Variants in HS1BP3 observed in about 807,000 individuals in gnomAD.
The protein encoded by HS1BP3 is HCLS1 binding protein 3.
In HS1BP3, 32 loss-of-function variants were observed where a neutral mutation model predicts 33.5. The observed-to-expected ratio is 0.95, with a 90% CI of 0.72 to 1.28. The LOEUF is 1.28. Ranked by LOEUF, HS1BP3 falls within the 50% of genes most tolerant of loss-of-function variation. The pLI is 0.00. For synonymous variants in HS1BP3, 187 were observed against 209.2 expected (o/e 0.89, Z 0.92); for missense variants, 486 against 502.3 (o/e 0.97, Z 0.31).
chr2:20,596,337 T>G (rs916786531), intron 3 of HS1BP3, among the ~76,000 whole-genome samples: 5 of 152,248 alleles, frequency 3.3e-5, no homozygotes, highest in African/African-American at 1.2e-4. Flanking sequence ...TCTATTCATC[T>G]GCTCAAACCT....
chr2:20,593,417 C>T (rs931724737), intron 3 of HS1BP3, among the ~76,000 whole-genome samples: 4 of 152,164 alleles, frequency 2.6e-5, no homozygotes, highest in South Asian at 2.1e-4. Flanking sequence ...GCTAGAACAA[C>T]GCTTGACACT....
intron 5 of HS1BP3, among the ~76,000 whole-genome samples, chr2:20,567,905 C>T (rs1321793852): frequency 1.3e-5 from 2 of 152,174 alleles, no homozygotes; most frequent in Admixed American, 1.3e-4. Context: ...ACAGCTGGCC[C>T]CCAGCACCGA....
downstream of HS1BP3, among the ~76,000 whole-genome samples, chr2:20,589,150 G>C (rs901308630): frequency 3.9e-5 from 6 of 152,246 alleles, no homozygotes; most frequent in East Asian, 9.6e-4. Context: ...GCATGGATGG[G>C]TGCATAGATT....
chr2:20,570,329 G>T (rs1693236497), intron 5 of HS1BP3, among the ~76,000 whole-genome samples: 1 of 152,170 alleles, frequency 6.6e-6, no homozygotes, highest in South Asian at 2.1e-4. Context: ...TCCATTCTCT[G>T]GCCTTCAAAT....
intron 2 of HS1BP3, among the ~76,000 whole-genome samples, chr2:20,609,284 C>A (rs1364279196): frequency 1.4e-4 from 22 of 152,182 alleles, no homozygotes; most frequent in Non-Finnish European, 8.8e-5. Flanking sequence ...ACATGAGAAC[C>A]CACAGCAGCC....
intron 5 of HS1BP3, among the ~76,000 whole-genome samples, chr2:20,571,708 C>T (rs1280991025): frequency 6.6e-6 from 1 of 152,186 alleles, no homozygotes; most frequent in African/African-American, 2.4e-5. Flanking sequence ...GTGCCCCTGC[C>T]TTGGGCCCAT....
chr2:20,583,159 T>A (rs2149276375), intron 5 of HS1BP3, among the ~76,000 whole-genome samples: 1 of 152,342 alleles, frequency 6.6e-6, no homozygotes. Context: ...GAACAACCCC[T>A]CTGAGCTGTC....
At chr2:20,571,214 T>A (rs1230772049) in intron 5 of HS1BP3, among the ~76,000 whole-genome samples, 2 of 152,158 alleles carry the variant, frequency 1.3e-5, no homozygotes, top group Non-Finnish European at 2.9e-5. Context: ...CAGCACCCCC[T>A]TCCTTAGGCT....
At chr2:20,603,609 C>T (rs763967130) in intron 2 of HS1BP3, among the ~76,000 whole-genome samples, 3 of 152,116 alleles carry the variant, frequency 2.0e-5, no homozygotes, top group Non-Finnish European at 4.4e-5. Flanking sequence ...GGTTTGATGG[C>T]TAAGGAGTAT....
chr2:20,635,787 G>T (rs1329860895), intron 4 of HS1BP3: 1 of 152,274 alleles, frequency 6.6e-6, no homozygotes, highest in African/African-American at 2.4e-5. Context: ...GGAGAGAGCG[G>T]TGGTGTTGGG....
chr2:20,569,478 G>A (rs1693213923), intron 5 of HS1BP3, among the ~76,000 whole-genome samples: 1 of 151,802 alleles, frequency 6.6e-6, no homozygotes, highest in Admixed American at 6.6e-5. Flanking sequence ...AACTAAATTT[G>A]AGTTTTAGAT....
chr2:20,603,763 T>TA (rs1465161767), intron 2 of HS1BP3, among the ~76,000 whole-genome samples: 2 of 152,256 alleles, frequency 1.3e-5, no homozygotes, highest in Non-Finnish European at 2.9e-5. Flanking sequence ...GAAGCCGTTT[T>TA]AAAAAACATA....
At chr2:20,637,030 C>CG (rs1695156404) in intron 4 of HS1BP3, 4 of 80,982 alleles carry the variant, frequency 4.9e-5, no homozygotes, top group African/African-American at 1.2e-4. Context: ...AGGGGGCTGC[C>CG]CCCGCCCCCC....
chr2:20,587,539 T>A (rs1693711282), intron 5 of HS1BP3, among the ~76,000 whole-genome samples: 1 of 151,984 alleles, frequency 6.6e-6, no homozygotes, highest in African/African-American at 2.4e-5. Flanking sequence ...GAGAGCAGGA[T>A]GTTTGTGTTC....
chr2:20,640,643 G>C (rs1466405986), intron 3 of HS1BP3: 5 of 520,578 alleles, frequency 9.6e-6, no homozygotes, highest in Non-Finnish European at 1.8e-5. Context: ...GTGTGTGTCA[G>C]GGGGTTGTAT....
At chr2:20,610,906 C>A (rs1206301913) in intron 2 of HS1BP3, among the ~76,000 whole-genome samples, 1 of 152,242 alleles carries the variant, frequency 6.6e-6, no homozygotes, top group Non-Finnish European at 1.5e-5. Flanking sequence ...CAGCGTAGCA[C>A]ACTTCCATCA....
intron 4 of HS1BP3, among the ~76,000 whole-genome samples, chr2:20,629,413 G>A (rs1370004412): frequency 6.6e-6 from 1 of 152,184 alleles, no homozygotes; most frequent in Admixed American, 6.5e-5. Flanking sequence ...ACTGACAGGA[G>A]ACAAAGCCCC....
At chr2:20,569,289 A>G (rs1282613169) in intron 5 of HS1BP3, among the ~76,000 whole-genome samples, 1 of 152,222 alleles carries the variant, frequency 6.6e-6, no homozygotes, top group Non-Finnish European at 1.5e-5. Context: ...CCACCTTCAG[A>G]CAATAACGTG....
At chr2:20,609,012 G>C (rs1413736986) in intron 2 of HS1BP3, among the ~76,000 whole-genome samples, 1 of 152,238 alleles carries the variant, frequency 6.6e-6, no homozygotes, top group Non-Finnish European at 1.5e-5. Flanking sequence ...AGCTATGTCT[G>C]AGCCCGCCTG....
Sources: allele counts gnomAD v4.1 joint callset (sites outside exome capture counted in the v4.1 genomes callset), GRCh38; gene constraint gnomAD v4.1.1; transcripts MANE v1.5; gene names NCBI Gene and HGNC (gene_info 2026-07-23, HGNC 2026-07-21).